The following USP34 variants were observed in gnomAD, a reference collection of about 807,000 sequenced individuals.
USP34 encodes ubiquitin carboxyl-terminal hydrolase 34.
In USP34, 70 loss-of-function variants were observed where a neutral mutation model predicts 460.3. That is an observed-to-expected ratio of 0.15 (90% CI 0.13 to 0.19). The LOEUF is 0.19. USP34 is among the 10% of genes least tolerant of loss of function. USP34 has a pLI of 1.00. For missense variants in USP34, 3,985 were observed against 4,236.2 expected, an observed-to-expected ratio of 0.94 and a Z score of 1.65; for synonymous variants, 1,647 against 1,405.3, an observed-to-expected ratio of 1.17 and a Z score of -3.85.
At chr2:61,381,473 G>T (rs1159676794) in intron 6 of USP34, among the ~76,000 whole-genome samples, 1 of 151,996 alleles carries the variant, frequency 6.6e-6, no homozygotes, top group South Asian at 2.1e-4. Flanking sequence ...CTGGTAGCTG[G>T]GACTATAGAA....
intron 1 of USP34, among the ~76,000 whole-genome samples, chr2:61,461,689 G>C (rs1394671789): frequency 2.6e-5 from 4 of 152,118 alleles, no homozygotes; most frequent in Non-Finnish European, 4.4e-5. Context: ...TAATATTCAA[G>C]ACAGGTGAAA....
At position 61,232,506 on chromosome 2, in the gene USP34, G is replaced by A. The variant is rs1437084043; in HGVS notation, c.7059C>T (p.Asp2353=). The A allele has an allele frequency of 1.4e-5, 23 of 1,609,590 alleles. No homozygotes were observed. Among genetic ancestry groups the A allele is most frequent in the East Asian group, 2.2e-5 (1 of 44,620 alleles). The change falls in exon 58 of 80, where the codon GAC becomes GAT. Residue 2353 remains aspartate (D), a synonymous_variant. Coordinates refer to ENST00000398571, the MANE Select transcript of USP34 (RefSeq NM_014709.4). ...TTAGTATCTGCATTGGCCACCAGTCGTCATCAGCCATACGATCTAAAAACC... is the reference window on the plus strand; with the variant it reads ...TTAGTATCTGCATTGGCCACCAGTCATCATCAGCCATACGATCTAAAAACC... ...CEWFLDRMAD[D]DWWPMQILIK...
intron 5 of USP34, among the ~76,000 whole-genome samples, chr2:61,391,890 T>C (rs917055773): frequency 1.3e-5 from 2 of 152,166 alleles, no homozygotes; most frequent in Admixed American, 6.5e-5. Flanking sequence ...AAAGAGTTAC[T>C]CCATTGAGTT....
At chr2:61,356,492 C>CACAT (rs1692110788) in intron 10 of USP34, among the ~76,000 whole-genome samples, 1 of 147,540 alleles carries the variant, frequency 6.8e-6, no homozygotes, top group Admixed American at 6.7e-5. Flanking sequence ...CACACACACA[C>CACAT]ACACACATAC....
In USP34 at chr2:61,436,910, C is replaced by A. The variant is rs188061458; in HGVS notation, c.44-16077G>T. 9.9e-5 allele frequency among the ~76,000 whole-genome samples: 15 copies of A among 152,270 alleles called. No individual in the cohort carries two copies. In the East Asian group the frequency reaches 2.9e-3, roughly 29 times the overall value. On this transcript the variant is annotated intron_variant, in intron 1 of 79. Transcript: ENST00000398571. ...AGAAATGCTGGAAACTATACCAATA[C>A]ATGGAAATTAAACAACATGCTCCTG... is the stretch of plus-strand genomic sequence containing the variant.
Position 61,203,199 on chromosome 2 carries a change from T to A in USP34, c.9449A>T (p.His3150Leu). The change falls in exon 75 of 80, where the codon CAT (histidine) becomes CTT (leucine). Residue 3150 changes from histidine to leucine, a missense_variant. His to Leu is a moderately conservative substitution (Grantham distance 99). This residue lies in a region of USP34 where 28 missense variants were observed against 36.8 expected (regional missense o/e 0.76). Coordinates refer to ENST00000398571, the MANE Select transcript of USP34 (RefSeq NM_014709.4). ...GTTGATTGCAACTCGGCATAATAGA[T>A]GGATGAACTGATGATAAGAAAAGAA... ...DYFFSYHQFI[H>L]LLCRVAINCE... 6.2e-7 allele frequency: 1 copy of A among 1,602,078 alleles called. No homozygotes were observed. Among genetic ancestry groups the A allele is most frequent in the Non-Finnish European group, 8.5e-7 (1 of 1,174,514 alleles).
intron 21 of USP34, among the ~76,000 whole-genome samples, chr2:61,323,877 A>C (rs1026893205): frequency 2.6e-5 from 4 of 152,242 alleles, no homozygotes; most frequent in African/African-American, 9.6e-5. Flanking sequence ...AACACGAAAG[A>C]GAAATTTCCT....
rs1305452436 is a variant in USP34 at position 61,347,972 on chromosome 2, T to C, written c.2183A>G (p.Asp728Gly). 1.9e-6 allele frequency: 3 copies of C among 1,614,128 alleles called. No homozygotes were observed. The highest frequency in any genetic ancestry group is 2.5e-6 in the Non-Finnish European group (3 of 1,180,032). ...SQESCITRTG[D>G]FLGETIGNEL... The stretch of plus-strand genomic sequence containing the variant: ...ATTCCCAATAGTCTCCCCAAGGAAG[T>C]CCCCAGTTCGTGTGATACAAGACTC... The change falls in exon 15 of 80, where the codon GAC becomes GGC. Residue 728 changes from aspartate to glycine, a missense_variant. By Grantham distance (94) the Asp-to-Gly change is moderately conservative. Transcript: ENST00000398571.
Position 61,188,399 on chromosome 2 carries a change from T to G in USP34, c.10344A>C (p.Lys3448Asn). 1 of 1,614,212 alleles carries G rather than the reference T, an allele frequency of 6.2e-7. No individual in the cohort carries two copies. The highest frequency in any genetic ancestry group is 1.1e-5 in the South Asian group (1 of 91,088). ...QSNNGRYDDC[K>N]EFKDLHCSKD... is the part of the protein sequence containing the mutation. ...TGGAACAGTGGAGGTCTTTAAATTCTTTACAATCGTCATATCTACCATTGT... is the reference window on the plus strand; with the variant it reads ...TGGAACAGTGGAGGTCTTTAAATTCGTTACAATCGTCATATCTACCATTGT... The change falls in exon 80 of 80, where the codon AAA becomes AAC. Residue 3448 changes from lysine (K) to asparagine (N), a missense_variant. Physicochemically the swap from Lys to Asn is moderately conservative, Grantham distance 94 (BLOSUM62 0). Transcript: ENST00000398571.
At chr2:61,222,743 C>A in intron 64 of USP34, 80 bp from the exon 65 acceptor site, 1 of 1,362,788 alleles carries the variant, frequency 7.3e-7, no homozygotes, top group Non-Finnish European at 1.0e-6. Context: ...GTCACCCAGG[C>A]TGGGATGCAG....
chr2:61,235,365 C>G (rs1004125448), intron 57 of USP34, among the ~76,000 whole-genome samples: 17 of 137,498 alleles, frequency 1.2e-4, no homozygotes, highest in Non-Finnish European at 2.4e-4. Context: ...CTCACTGTGT[C>G]GTCAGGCTGG....
At chr2:61,311,438 G>T in intron 27 of USP34, 102 bp downstream of exon 27, 1 of 1,291,818 alleles carries the variant, frequency 7.7e-7, no homozygotes, top group Non-Finnish European at 1.0e-6. Flanking sequence ...AGAAAGAAAA[G>T]AAAAGGAGAA....
chr2:61,439,719 T>C (rs532379537), intron 1 of USP34, among the ~76,000 whole-genome samples: 1 of 152,268 alleles, frequency 6.6e-6, no homozygotes, highest in African/African-American at 2.4e-5. Context: ...CTTGCTGACC[T>C]GTGACCCTTG....
chr2:61,288,576 A>C (rs1452315781), intron 34 of USP34, 101 bp downstream of exon 34: 1 of 1,238,300 alleles, frequency 8.1e-7, no homozygotes, highest in Non-Finnish European at 1.2e-6. Flanking sequence ...TGTCAGGTTA[A>C]GTCACAGTAA....
At chr2:61,442,994 T>C (rs780564894) in intron 1 of USP34, among the ~76,000 whole-genome samples, 2 of 151,680 alleles carry the variant, frequency 1.3e-5, no homozygotes, top group Non-Finnish European at 2.9e-5. Context: ...GCAACATACA[T>C]GGAACTGGAG....
At chr2:61,333,661 T>C (rs1691336106) in intron 19 of USP34, among the ~76,000 whole-genome samples, 1 of 152,052 alleles carries the variant, frequency 6.6e-6, no homozygotes, top group African/African-American at 2.4e-5. Context: ...ATTGCTAAAG[T>C]ACTGTTCTCA....
intron 27 of USP34, among the ~76,000 whole-genome samples, chr2:61,306,661 G>C: frequency 6.6e-6 from 1 of 152,044 alleles, no homozygotes; most frequent in Admixed American, 6.6e-5. Context: ...GGTCAGTATG[G>C]CCAGACACTT....
At position 61,470,720 on chromosome 2, in the gene USP34, C is replaced by G. The variant is rs1352082802; in HGVS notation, c.-28G>C. 6.3e-7 allele frequency: 1 copy of G among 1,584,696 alleles called. No individual in the cohort carries two copies. Among genetic ancestry groups the G allele is most frequent in the Non-Finnish European group, 8.6e-7 (1 of 1,163,802 alleles). ...TTCGGCCGCCGCCCCCCCCCTCCCC[C>G]GCTTCGGATCACACTGACTGATCCC... On this transcript the variant is annotated 5_prime_UTR_variant, in exon 1 of 80. Transcript: ENST00000398571.
intron 75 of USP34, chr2:61,200,060 C>G (rs138769816): frequency 6.6e-6 from 1 of 152,234 alleles, no homozygotes; most frequent in African/African-American, 2.4e-5. Context: ...TGTGTGTGTG[C>G]GCATGCAGAG....
Sources: gnomAD v4.1 joint callset for allele counts (sites outside exome capture counted in the v4.1 genomes callset) on GRCh38, gnomAD v4.1.1 for gene constraint, gnomAD v4.1.1 regional missense constraint, MANE v1.5 for transcripts, NCBI Gene and HGNC (gene_info 2026-07-23, HGNC 2026-07-21) for gene names.